Variants in CD163 observed in about 807,000 individuals in gnomAD.
CD163 encodes the protein scavenger receptor cysteine-rich type 1 protein M130.
A neutral mutation model predicts 129.2 loss-of-function variants in CD163; 64 were observed. The ratio of observed to expected loss-of-function variants is 0.50; its 90% CI spans 0.41 to 0.61. The LOEUF (loss-of-function observed/expected upper bound fraction) is 0.61. CD163 is among the 20% of genes least tolerant of loss of function. CD163 has a pLI of 0.00. For synonymous variants in CD163, 446 were observed against 478.5 expected (o/e 0.93, Z 0.89); for missense variants, 1,061 against 1,377.9 (o/e 0.77, Z 3.64).
intron 15 of CD163, 158 bp from the exon 16 acceptor site, chr12:7,480,071 T>G (rs1337812235): frequency 2.2e-6 from 3 of 1,368,140 alleles, no homozygotes; most frequent in Admixed American, 4.5e-5. Context: ...TTTGAGCAAC[T>G]AAAAACACCA....
At chr12:7,472,689 G>C (rs10129005) in intron 16 of CD163, among the ~76,000 whole-genome samples, 36,924 of 151,960 alleles carry the variant, frequency 0.24, 5,754 homozygotes, top group Admixed American at 0.4. Flanking sequence ...CACAACTCCT[G>C]TCCAGCAAGG....
At position 7,499,184 on chromosome 12, in the gene CD163, T is replaced by C; in HGVS notation, c.462A>G (p.Gly154=). 6.2e-7 allele frequency: 1 copy of C among 1,609,396 alleles called. No individual in the cohort carries two copies. Residue 154 remains glycine (G), a synonymous_variant, in exon 4 of 17, where the codon GGA becomes GGG. Transcript: ENST00000432237. ...GCGTCAGCCTCATTTCCAAATTGGA[T>C]CCATCTGGAGCAGAGAAAAGACCAG... The part of the protein sequence containing the change: ...QQDAGVTCSD[G]SNLEMRLTRG...
intron 16 of CD163, among the ~76,000 whole-genome samples, chr12:7,474,123 T>C (rs1338136775): frequency 1.3e-5 from 2 of 152,018 alleles, no homozygotes; most frequent in African/African-American, 4.8e-5. Context: ...TCCCACACAA[T>C]AGTAGTGGGA....
intron 6 of CD163, 50 bp downstream of exon 6, chr12:7,495,031 G>A (rs144800783): frequency 6.5e-6 from 9 of 1,387,880 alleles, no homozygotes; most frequent in African/African-American, 1.4e-5. Context: ...TTCAAAGGTA[G>A]TACTGGAAAT....
At chr12:7,498,774 T>C in intron 4 of CD163, 94 bp downstream of exon 4, 1 of 1,211,730 alleles carries the variant, frequency 8.3e-7, no homozygotes, top group Non-Finnish European at 1.2e-6. Flanking sequence ...GAAGCAGACT[T>C]CATTATGTTC....
chr12:7,483,825 G>GTATATATATATATATATATATA (rs746624782), intron 11 of CD163, 150 bp from the exon 12 acceptor site: 5 of 68,414 alleles, frequency 7.3e-5, no homozygotes, highest in Admixed American at 2.0e-4. Context: ...ATATATATAT[G>GTATATATATATATATATATATA]TATATATATA....
Position 7,501,191 on chromosome 12 carries a change from C to T in CD163, c.405G>A (p.Trp135Ter). The change falls in exon 3 of 17, where the codon TGG (tryptophan) becomes TGA (stop). Residue 135 changes from tryptophan (W) to a stop codon, truncating the protein, a stop_gained. Coordinates refer to ENST00000432237, the MANE Select transcript of CD163 (RefSeq NM_203416.4). LOFTEE classifies it high-confidence loss of function. Reference protein sequence around the residue: ...SALWDCKHDGWGKHSNCTHQQ... With the variant: ...SALWDCKHDG The stretch of plus-strand genomic sequence containing the variant: ...GGTGAGTACAGTTACTATGCTTTCC[C>T]CATCCATCATGTTTGCAATCCCAAA... The T allele has an allele frequency of 1.2e-6, 2 of 1,614,192 alleles. No homozygotes were observed. The highest frequency in any genetic ancestry group is 1.7e-6 in the Non-Finnish European group (2 of 1,180,026).
chr12:7,481,304 T>A, intron 14 of CD163, 48 bp from the exon 15 acceptor site: 1 of 1,468,236 alleles, frequency 6.8e-7, no homozygotes, highest in South Asian at 1.1e-5. Flanking sequence ...ATAATAAAAT[T>A]TCCCTTGCTG....
Position 7,501,462 on chromosome 12 carries a change from C to T in CD163, c.134G>A (p.Gly45Glu). ...TAGCCTCAGCTCCTTGTCTGTTCCT[C>T]CTGCAACAATGGATTAAGACAGTAA... ...LSACFVTSSL[G>E]GTDKELRLVD... The change falls in exon 3 of 17, where the codon GGA (glycine) becomes GAA (glutamate). Residue 45 changes from glycine (G) to glutamate (E), a missense_variant and splice_region_variant. By Grantham distance (98) the Gly-to-Glu change is moderately conservative (BLOSUM62 -2). Transcript: ENST00000432237. 1 of 1,612,344 alleles carries T rather than the reference C, an allele frequency of 6.2e-7. No individual in the cohort carries two copies. Among genetic ancestry groups the T allele is most frequent in the Non-Finnish European group, 8.5e-7 (1 of 1,178,606 alleles).
rs180786765 is a variant in CD163, at chr12:7,495,139, G to A, written c.1362C>T (p.Asn454=). 1.7e-5 allele frequency: 28 copies of A among 1,614,106 alleles called. No individual in the cohort carries two copies. The highest frequency in any genetic ancestry group is 1.1e-5 in the Non-Finnish European group (13 of 1,179,986). The stretch of plus-strand genomic sequence containing the variant: ...CACAGGTAAGTCCACCCCATTGCCA[G>A]TTCTTGCAGTCCCAAAGAGAAGTTT... The part of the protein sequence containing the change: ...GNETSLWDCK[N]WQWGGLTCDH... Residue 454 remains asparagine (N), a synonymous_variant, in exon 6 of 17, where the codon AAC becomes AAT. Coordinates refer to ENST00000432237, the MANE Select transcript of CD163 (RefSeq NM_203416.4).
chr12:7,472,458 T>C (rs1949018603), intron 16 of CD163, among the ~76,000 whole-genome samples: 1 of 152,110 alleles, frequency 6.6e-6, no homozygotes, highest in South Asian at 2.1e-4. Flanking sequence ...TCCATCAAAC[T>C]GCAGCAGAAT....
At position 7,481,212 on chromosome 12, in the gene CD163, C is replaced by T; in HGVS notation, c.3292G>A (p.Glu1098Lys). ...ENLVHQIQYR[E>K]MNSCLNADDL... ...TCTGCATTCAGGCAAGAATTCATCT[C>T]CCGGTATTGAATTTGGTGGACTAAG... is the stretch of plus-strand genomic sequence containing the variant. The change falls in exon 15 of 17, where the codon GAG becomes AAG. Residue 1098 changes from glutamate (E) to lysine (K), a missense_variant. Coordinates refer to ENST00000432237, the MANE Select transcript of CD163 (RefSeq NM_203416.4). The T allele has an allele frequency of 1.1e-5, 18 of 1,613,894 alleles. No homozygotes were observed. Among genetic ancestry groups the T allele is most frequent in the Non-Finnish European group, 1.5e-5 (18 of 1,179,866 alleles).
intron 6 of CD163, 139 bp downstream of exon 6, chr12:7,494,942 T>C: frequency 1.4e-6 from 1 of 694,552 alleles, no homozygotes; most frequent in Admixed American, 2.6e-5. Flanking sequence ...CTTATCTGAC[T>C]CTCCCAGTGG....
chr12:7,475,474 C>T (rs1007670154), intron 16 of CD163, among the ~76,000 whole-genome samples: 1 of 152,092 alleles, frequency 6.6e-6, no homozygotes, highest in Non-Finnish European at 1.5e-5. Flanking sequence ...ATAAACAGAA[C>T]AAATCACAAA....
chr12:7,487,737 T>TA lies in CD163; in HGVS notation c.1735+35dup, dbSNP rs767010729. On this transcript the variant is annotated intron_variant, in intron 7 of 16. Transcript: ENST00000432237. The surrounding 1 kb of genome is among the most constrained non-coding windows in gnomAD (Gnocchi z 5.1). ...CTCCCTAACCCTGTCCCTTTCACAG[T>TA]ATGAGAACCAATTAAAGATGTTTTC... is the stretch of plus-strand genomic sequence containing the variant. 1 of 1,613,976 alleles carries TA rather than the reference T, an allele frequency of 6.2e-7. No individual in the cohort carries two copies. The highest frequency in any genetic ancestry group is 1.7e-5 in the Admixed American group (1 of 60,024).
At chr12:7,473,887 A>ATAT (rs931875170) in intron 16 of CD163, among the ~76,000 whole-genome samples, 9 of 152,268 alleles carry the variant, frequency 5.9e-5, no homozygotes, top group African/African-American at 2.2e-4. Context: ...AAAACATAAC[A>ATAT]AGCAAATGGA....
chr12:7,472,888 A>C (rs938643249), intron 16 of CD163, among the ~76,000 whole-genome samples: 6 of 152,214 alleles, frequency 3.9e-5, no homozygotes, highest in African/African-American at 9.6e-5. Context: ...AAATGACCTG[A>C]TGGAGCTGAA....
intron 10 of CD163, among the ~76,000 whole-genome samples, chr12:7,486,140 A>G (rs1458800071): frequency 6.6e-6 from 1 of 152,076 alleles, no homozygotes; most frequent in Non-Finnish European, 1.5e-5. Flanking sequence ...CAACATATAT[A>G]TTTCTTCTTG....
rs756305706 is a variant in CD163, at chr12:7,483,422, T to G, written c.3033A>C (p.Arg1011Ser). ...NESSLWDCPA[R>S]RWGHSECGHK... Reference sequence around the variant, plus strand: ...GCCCACACTCACTATGGCCCCAGCGTCTGGCAGGACAATCCCACAAGGAAG... The same window carrying G: ...GCCCACACTCACTATGGCCCCAGCGGCTGGCAGGACAATCCCACAAGGAAG... Residue 1011 changes from arginine to serine, a missense_variant, in exon 12 of 17, where the codon AGA becomes AGC. Arg to Ser is a moderately radical substitution (Grantham distance 110). Coordinates refer to ENST00000432237, the MANE Select transcript of CD163 (RefSeq NM_203416.4). 3.1e-6 allele frequency: 5 copies of G among 1,613,966 alleles called. No homozygotes were observed. Among genetic ancestry groups the G allele is most frequent in the Admixed American group, 1.7e-5 (1 of 59,992 alleles).
Sources: gnomAD v4.1 joint callset for allele counts (sites outside exome capture counted in the v4.1 genomes callset) on GRCh38, gnomAD v4.1.1 for gene constraint, Gnocchi (gnomAD v3.1) non-coding constraint, MANE v1.5 for transcripts, NCBI Gene and HGNC (gene_info 2026-07-23, HGNC 2026-07-21) for gene names.